The following TXNL4A variants were observed in gnomAD, a reference collection of about 807,000 sequenced individuals.
The protein encoded by TXNL4A is thioredoxin-like protein 4A.
In TXNL4A, 17 loss-of-function variants were observed where a neutral mutation model predicts 14.6. That is an observed-to-expected ratio of 1.16 (90% confidence interval 0.80 to 1.74). The LOEUF is 1.74. Among genes scored for constraint, TXNL4A ranks in the 40% most tolerant of loss-of-function variants. The pLI, the probability that TXNL4A is intolerant of heterozygous loss-of-function variation, is 0.00. For synonymous variants in TXNL4A, 83 were observed against 70.6 expected (o/e 1.18, Z -0.88); for missense variants, 74 against 195.2 (o/e 0.38, Z 3.70).
At position 79,973,803 on chromosome 18, in the gene TXNL4A, C is replaced by T; in HGVS notation, c.311G>A (p.Trp104Ter). ...LGTGNNNKIN[W>*]AMEDKQEMVD... Reference sequence around the variant, plus strand: ...CATCTCCTGCTTGTCCTCCATGGCCCAGTTAATCTTGTTGTTGTTGCCAGT... The same window carrying T: ...CATCTCCTGCTTGTCCTCCATGGCCTAGTTAATCTTGTTGTTGTTGCCAGT... The change falls in exon 3 of 3, where the codon TGG becomes TAG. Residue 104 changes from tryptophan (W) to a stop codon, truncating the protein, a stop_gained. Transcript: ENST00000269601. LOFTEE classifies it high-confidence loss of function. 6.2e-7 allele frequency: 1 copy of T among 1,614,108 alleles called. No homozygotes were observed. The highest frequency in any genetic ancestry group is 8.5e-7 in the Non-Finnish European group (1 of 1,180,026).
intron 1 of TXNL4A, among the ~76,000 whole-genome samples, chr18:80,008,407 C>G (rs1456663032): frequency 6.6e-6 from 1 of 152,154 alleles, no homozygotes; most frequent in Non-Finnish European, 1.5e-5. Context: ...GCAGCCTCCT[C>G]CGCATTCTCC....
intron 1 of TXNL4A, among the ~76,000 whole-genome samples, chr18:80,029,714 C>T (rs2051909075): frequency 6.6e-6 from 1 of 152,204 alleles, no homozygotes; most frequent in Non-Finnish European, 1.5e-5. Flanking sequence ...CCAAAGCACT[C>T]CCCCTAGTGC....
intron 1 of TXNL4A, among the ~76,000 whole-genome samples, chr18:80,026,075 A>C (rs2051882293): frequency 1.3e-5 from 2 of 152,240 alleles, no homozygotes; most frequent in African/African-American, 4.8e-5. Flanking sequence ...TGAAAATAAA[A>C]ATGATACATT....
At chr18:79,993,317 G>GT (rs1394999584), upstream of TXNL4A, among the ~76,000 whole-genome samples, 3 of 107,278 alleles carry the variant, frequency 2.8e-5, no homozygotes, top group African/African-American at 6.7e-5. This position sits in a 1 kb window ranked among gnomAD's most constrained non-coding sequence, Gnocchi z 4.4. Flanking sequence ...TTTATTTGCT[G>GT]TTTAAAAAAA....
chr18:80,020,796 A>G (rs1213071801), intron 1 of TXNL4A, among the ~76,000 whole-genome samples: 1 of 152,194 alleles, frequency 6.6e-6, no homozygotes, highest in African/African-American at 2.4e-5. Flanking sequence ...AAAAACCTGT[A>G]ATGCCCAAAA....
upstream of TXNL4A, chr18:79,988,591 G>T: frequency 4.3e-6 from 2 of 464,138 alleles, no homozygotes. Flanking sequence ...CGCCGTGCGT[G>T]CTGACGGCAT....
At chr18:80,015,521 C>G (rs944965600) in intron 1 of TXNL4A, among the ~76,000 whole-genome samples, 2 of 151,756 alleles carry the variant, frequency 1.3e-5, no homozygotes, top group Non-Finnish European at 2.9e-5. Context: ...CTACCCCCAC[C>G]CCACAACAGT....
upstream of TXNL4A, among the ~76,000 whole-genome samples, chr18:79,990,972 G>A (rs2051623767): frequency 6.6e-6 from 1 of 152,080 alleles, no homozygotes; most frequent in Non-Finnish European, 1.5e-5. Context: ...GCCGGGCGCG[G>A]TGGCGGGCGC....
At chr18:79,980,973 T>C (rs1032323017) in intron 1 of TXNL4A, among the ~76,000 whole-genome samples, 1 of 152,252 alleles carries the variant, frequency 6.6e-6, no homozygotes, top group Non-Finnish European at 1.5e-5. Context: ...ACAGTGAGAA[T>C]GTGTTGGTCA....
chr18:80,019,383 G>T (rs1364378484), intron 1 of TXNL4A, among the ~76,000 whole-genome samples: 1 of 152,142 alleles, frequency 6.6e-6, no homozygotes, highest in Admixed American at 6.6e-5. Context: ...GGTCTCAAGA[G>T]AATTTATCAT....
At position 79,977,744 on chromosome 18, in the gene TXNL4A, T is replaced by G. The variant is rs141843440; in HGVS notation, c.154-43A>C. ...AAAAAAACTGAAATAACAGAACACTTTGGCTTTCATTTTATAGAAGCACAT... is the reference window on the plus strand; with the variant it reads ...AAAAAAACTGAAATAACAGAACACTGTGGCTTTCATTTTATAGAAGCACAT... On this transcript the variant is annotated intron_variant, in intron 1 of 2. Coordinates refer to ENST00000269601, the MANE Select transcript of TXNL4A (RefSeq NM_006701.5). The G allele has an allele frequency of 8.1e-3, 9,825 of 1,215,732 alleles. 74 individuals carry two copies. Among genetic ancestry groups the G allele is most frequent in the Non-Finnish European group, 0.01 (8,606 of 840,932 alleles). The allele number at this position is 1,215,732 out of a possible 1,614,324, so 75.3% of individuals were successfully genotyped here. A position where few individuals can be genotyped will look rare whatever the true frequency, so the allele number is the denominator to read the frequency against.
chr18:80,009,530 C>T (rs991694397), intron 1 of TXNL4A, among the ~76,000 whole-genome samples: 3 of 152,104 alleles, frequency 2.0e-5, no homozygotes, highest in African/African-American at 7.2e-5. Context: ...TCTGCAGCAA[C>T]TTTATTCTTG....
intron 1 of TXNL4A, among the ~76,000 whole-genome samples, chr18:79,996,371 G>A (rs1313852080): frequency 6.6e-6 from 1 of 152,156 alleles, no homozygotes; most frequent in Non-Finnish European, 1.5e-5. Flanking sequence ...CCATACGTGA[G>A]AGTAATGAAA....
chr18:80,013,362 C>G (rs1325769650), intron 1 of TXNL4A, among the ~76,000 whole-genome samples: 1 of 151,798 alleles, frequency 6.6e-6, no homozygotes, highest in Non-Finnish European at 1.5e-5. Context: ...ACCTCATGAT[C>G]CCCCCGCCTC....
chr18:80,017,156 C>G lies in TXNL4A; in HGVS notation c.-61+16695G>C, dbSNP rs1242930015. 3.4e-4 allele frequency among the ~76,000 whole-genome samples: 52 copies of G among 151,048 alleles called. No individual in the cohort carries two copies. In the East Asian group the frequency reaches 7.6e-3, roughly 22 times the overall value. On this transcript the variant is annotated intron_variant, in intron 1 of 2. Coordinates refer to the TXNL4A transcript ENST00000585474. Reference sequence around the variant, plus strand: ...ATGGGAGTTCACTCATGATTTGGCTCTCTGTTTGTCTGTTATTGGTGTATA... The same window carrying G: ...ATGGGAGTTCACTCATGATTTGGCTGTCTGTTTGTCTGTTATTGGTGTATA...
At chr18:79,976,381 A>G (rs1294463981) in intron 2 of TXNL4A, among the ~76,000 whole-genome samples, 3 of 152,242 alleles carry the variant, frequency 2.0e-5, no homozygotes, top group Non-Finnish European at 4.4e-5. Flanking sequence ...ATGTGCCGGC[A>G]TGCCAGTGCT....
At chr18:80,024,864 C>A (rs1013930239) in intron 1 of TXNL4A, among the ~76,000 whole-genome samples, 9 of 152,186 alleles carry the variant, frequency 5.9e-5, no homozygotes, top group Non-Finnish European at 1.3e-4. Flanking sequence ...GCAAGCAGCA[C>A]ATTTTGGGTC....
intron 1 of TXNL4A, among the ~76,000 whole-genome samples, chr18:80,016,380 G>A (rs995098465): frequency 4.4e-4 from 67 of 152,002 alleles, no homozygotes; most frequent in African/African-American, 1.4e-3. Context: ...GATCCCATTT[G>A]TCAATTTTGG....
chr18:80,024,653 A>G (rs941201937), intron 1 of TXNL4A, among the ~76,000 whole-genome samples: 2 of 152,186 alleles, frequency 1.3e-5, no homozygotes, highest in African/African-American at 4.8e-5. Flanking sequence ...GTCTGGGAGA[A>G]ACGCTCCCTA....
Sources: allele counts gnomAD v4.1 joint callset (sites outside exome capture counted in the v4.1 genomes callset), GRCh38; gene constraint gnomAD v4.1.1; non-coding constraint Gnocchi (gnomAD v3.1); transcripts MANE v1.5; gene names NCBI Gene and HGNC (gene_info 2026-07-23, HGNC 2026-07-21).